The following NFE2L3 variants were observed in gnomAD, a reference collection of about 807,000 sequenced individuals.
NFE2L3 encodes the protein NFE2 like bZIP transcription factor 3.
A neutral mutation model predicts 23.5 loss-of-function variants in NFE2L3; 18 were observed. That is an observed-to-expected ratio of 0.77 (90% CI 0.53 to 1.13). The LOEUF (loss-of-function observed/expected upper bound fraction) is 1.13, where lower values mean the gene tolerates loss of function less well. NFE2L3 is among the 50% of genes most tolerant of loss of function. The pLI, the probability that NFE2L3 is intolerant of heterozygous loss-of-function variation, is 0.00. For missense variants in NFE2L3, 1,152 were observed against 877.2 expected (o/e 1.31, Z -3.96); for synonymous variants, 424 against 354.5 (o/e 1.20, Z -2.20).
chr7:26,153,157 C>G, intron 1 of NFE2L3, 89 bp downstream of exon 1: 1 of 1,294,458 alleles, frequency 7.7e-7, no homozygotes, highest in Non-Finnish European at 1.0e-6. Flanking sequence ...AGGGGCCACT[C>G]TCGCTGTGTC....
chr7:26,165,826 A>G lies in NFE2L3; in HGVS notation c.571-12117A>G, dbSNP rs533284882. ...TATTAGTTTGAGATACGTCCCATCA[A>G]TACCTAATTTATTGAGAGTTTTTAG... On this transcript the variant is annotated intron_variant, in intron 1 of 3. Coordinates refer to ENST00000056233, the MANE Select transcript of NFE2L3 (RefSeq NM_004289.7). Among the ~76,000 whole-genome samples the G allele has an allele frequency of 2.2e-3, 335 of 152,306 alleles. 2 individuals are homozygous for G. The highest frequency in any genetic ancestry group is 2.5e-3 in the Non-Finnish European group (173 of 68,036).
At position 26,184,848 on chromosome 7, in the gene NFE2L3, C is replaced by CG; in HGVS notation, c.1150_1151insG (p.Leu384ArgfsTer2). 1.2e-6 allele frequency: 2 copies of CG among 1,613,884 alleles called. No homozygotes were observed. Among genetic ancestry groups the CG allele is most frequent in the Non-Finnish European group, 1.7e-6 (2 of 1,179,806 alleles). Reference sequence around the variant, plus strand: ...AACAAGCCAAGACCTACTGTATGACCTTGACATAAATATATTTGATGAGAT... The same window carrying CG: ...AACAAGCCAAGACCTACTGTATGACCGTTGACATAAATATATTTGATGAGAT... On this transcript the variant is annotated frameshift_variant, in exon 4 of 4. Coordinates refer to ENST00000056233, the MANE Select transcript of NFE2L3 (RefSeq NM_004289.7). LOFTEE classifies it low-confidence loss of function (END_TRUNC).
chr7:26,183,437 A>C (rs1358668970), intron 2 of NFE2L3, among the ~76,000 whole-genome samples: 1 of 151,758 alleles, frequency 6.6e-6, no homozygotes, highest in African/African-American at 2.4e-5. Flanking sequence ...AATCCCAGCT[A>C]CTCCGGAGGC....
chr7:26,171,612 G>A (rs539323542), intron 1 of NFE2L3, among the ~76,000 whole-genome samples: 5 of 151,356 alleles, frequency 3.3e-5, no homozygotes, highest in Admixed American at 1.3e-4. Context: ...TATACCATTC[G>A]GATATTATCT....
In NFE2L3 at chr7:26,185,628, G is replaced by A. The variant is rs149225342; in HGVS notation, c.1930G>A (p.Asp644Asn). The A allele has an allele frequency of 1.9e-6, 3 of 1,613,406 alleles. No homozygotes were observed. The highest frequency in any genetic ancestry group is 1.7e-4 in the Middle Eastern group (1 of 6,056). The change falls in exon 4 of 4, where the codon GAT becomes AAT. Residue 644 changes from aspartate to asparagine, a missense_variant. By Grantham distance (23) the Asp-to-Asn change is conservative (BLOSUM62 1). Transcript: ENST00000056233. ...MKQKLHDLYH[D>N]IFSRLRDDQG... ...ACAGAAACTGCATGACCTTTATCAT[G>A]ATATTTTTAGTAGATTAAGAGATGA...
chr7:26,185,177 C>G lies in NFE2L3; in HGVS notation c.1479C>G (p.His493Gln), dbSNP rs200292913. 6.2e-7 allele frequency: 1 copy of G among 1,613,720 alleles called. No homozygotes were observed. The highest frequency in any genetic ancestry group is 1.3e-5 in the African/African-American group (1 of 74,914). The change falls in exon 4 of 4, where the codon CAC (histidine) becomes CAG (glutamine). Residue 493 changes from histidine to glutamine, a missense_variant. Coordinates refer to ENST00000056233, the MANE Select transcript of NFE2L3 (RefSeq NM_004289.7). Reference protein sequence around the residue: ...SDFHGDLTFQHVFHNHTYHLQ... With the variant: ...SDFHGDLTFQQVFHNHTYHLQ... The stretch of plus-strand genomic sequence containing the variant: ...TCCATGGAGATCTTACATTTCAACA[C>G]GTATTTCATAACCACACTTACCACT...
chr7:26,177,764 T>C lies in NFE2L3; in HGVS notation c.571-179T>C, dbSNP rs138370440. 7.2e-5 allele frequency among the ~76,000 whole-genome samples: 11 copies of C among 152,376 alleles called. No individual in the cohort carries two copies. The East Asian group carries it at 1.9e-3, about 27-fold the overall frequency. On this transcript the variant is annotated intron_variant, in intron 1 of 3. Transcript: ENST00000056233. ...TTAAATTGCACAGATTAGAACAGCC[T>C]GTCTCAGGACAGGATGTAAAACTGA...
intron 1 of NFE2L3, 139 bp from the exon 2 acceptor site, chr7:26,177,804 T>G: frequency 1.4e-6 from 1 of 732,052 alleles, no homozygotes; most frequent in South Asian, 1.9e-5. Context: ...TGTTTCTGAA[T>G]TAAATGTTTC....
At chr7:26,159,630 G>A (rs911888669) in intron 1 of NFE2L3, among the ~76,000 whole-genome samples, 19 of 152,206 alleles carry the variant, frequency 1.2e-4, no homozygotes, top group Non-Finnish European at 1.9e-4. Flanking sequence ...TTCAAGGCCC[G>A]AGTCTCAACT....
rs374465416 is a variant in NFE2L3 at position 26,185,114 on chromosome 7, C to T, written c.1416C>T (p.Pro472=). 2.5e-6 allele frequency: 4 copies of T among 1,613,790 alleles called. No homozygotes were observed. Among genetic ancestry groups the T allele is most frequent in the Non-Finnish European group, 3.4e-6 (4 of 1,179,844 alleles). The change falls in exon 4 of 4, where the codon CCC becomes CCT. Residue 472 remains proline, a synonymous_variant. Coordinates refer to ENST00000056233, the MANE Select transcript of NFE2L3 (RefSeq NM_004289.7). The part of the protein sequence containing the change: ...EGAVGGYYPE[P]SKLCHLDQSD... ...CTGTAGGTGGCTACTACCCAGAACC[C>T]AGTAAGCTTTGTCACTTGGATCAAA...
intron 1 of NFE2L3, among the ~76,000 whole-genome samples, chr7:26,175,605 G>T (rs1447377784): frequency 1.3e-5 from 2 of 151,730 alleles, no homozygotes; most frequent in East Asian, 3.9e-4. Context: ...GTGAAACCCT[G>T]TGTCTACTAA....
chr7:26,182,516 C>T (rs1362508884), intron 2 of NFE2L3, among the ~76,000 whole-genome samples: 4 of 152,058 alleles, frequency 2.6e-5, no homozygotes, highest in East Asian at 1.9e-4. Context: ...CCCAGCTATT[C>T]GGGAGGCTGA....
intron 1 of NFE2L3, among the ~76,000 whole-genome samples, chr7:26,161,706 A>T (rs1395091510): frequency 6.6e-6 from 1 of 152,142 alleles, no homozygotes; most frequent in African/African-American, 2.4e-5. Flanking sequence ...GTCAAAGCCC[A>T]ATTTCCCTAG....
In NFE2L3 at chr7:26,178,088, G is replaced by T; in HGVS notation, c.716G>T (p.Trp239Leu). 2 of 1,613,872 alleles carry T rather than the reference G, an allele frequency of 1.2e-6. No individual in the cohort carries two copies. Among genetic ancestry groups the T allele is most frequent in the Non-Finnish European group, 1.7e-6 (2 of 1,179,912 alleles). ...AACAAAATAGCAGAGAAACCTGACT[G>T]GGAGGCAGAAAAGACCACTGAATCT... ...DENKIAEKPD[W>L]EAEKTTESRN... The change falls in exon 2 of 4, where the codon TGG (tryptophan) becomes TTG (leucine). Residue 239 changes from tryptophan to leucine, a missense_variant. Trp to Leu is a moderately conservative substitution (Grantham distance 61). Coordinates refer to ENST00000056233, the MANE Select transcript of NFE2L3 (RefSeq NM_004289.7).
At chr7:26,175,618 A>G (rs1013321595) in intron 1 of NFE2L3, among the ~76,000 whole-genome samples, 4 of 151,734 alleles carry the variant, frequency 2.6e-5, no homozygotes, top group African/African-American at 9.7e-5. Context: ...TCTACTAAAA[A>G]TACAACAAAA....
chr7:26,159,949 C>CTTTTT (rs59484170), intron 1 of NFE2L3, among the ~76,000 whole-genome samples: 2 of 118,456 alleles, frequency 1.7e-5, no homozygotes, highest in African/African-American at 3.3e-5. Context: ...AATCTTGTTG[C>CTTTTT]TTTTTTTTTT....
At chr7:26,168,281 C>T (rs916324039) in intron 1 of NFE2L3, among the ~76,000 whole-genome samples, 1 of 151,616 alleles carries the variant, frequency 6.6e-6, no homozygotes. Flanking sequence ...GGACTACAGG[C>T]ACACGCCACC....
intron 1 of NFE2L3, among the ~76,000 whole-genome samples, chr7:26,159,102 G>A (rs188335105): frequency 7.9e-5 from 12 of 152,194 alleles, no homozygotes; most frequent in African/African-American, 1.9e-4. Context: ...CCTCTAGCTC[G>A]CCATTGCCTA....
At chr7:26,154,931 G>C (rs755448817) in intron 1 of NFE2L3, among the ~76,000 whole-genome samples, 123 of 152,314 alleles carry the variant, frequency 8.1e-4, no homozygotes, top group Middle Eastern at 3.4e-3. Flanking sequence ...CTAGGGGAGA[G>C]AGTGAAGTTC....
Sources: gnomAD v4.1 joint callset for allele counts (sites outside exome capture counted in the v4.1 genomes callset) on GRCh38, gnomAD v4.1.1 for gene constraint, MANE v1.5 for transcripts, NCBI Gene and HGNC (gene_info 2026-07-23, HGNC 2026-07-21) for gene names.